The following MGAT5 variants were observed in gnomAD, a reference collection of about 807,000 sequenced individuals.
MGAT5 encodes the protein alpha-1,6-mannosylglycoprotein 6-beta-N-acetylglucosaminyltransferase A.
A neutral mutation model predicts 94.3 loss-of-function variants in MGAT5; 30 were observed. The ratio of observed to expected loss-of-function variants is 0.32; its 90% confidence interval spans 0.24 to 0.43. MGAT5 has a LOEUF of 0.43. Ranked by LOEUF, MGAT5 falls within the 20% of genes least tolerant of loss-of-function variation. MGAT5 has a pLI of 1.00. For synonymous variants in MGAT5, 310 were observed against 322.9 expected, an observed-to-expected ratio of 0.96 and a Z score of 0.43; for missense variants, 691 against 905.5, an observed-to-expected ratio of 0.76 and a Z score of 3.04.
rs1315302565 is a variant in MGAT5, at chr2:134,451,073, G to A, written c.*2226G>A. The stretch of plus-strand genomic sequence containing the variant: ...CAATGCAAGTATCTGACCAACAGGG[G>A]GAGCCTGCAGGCCGAGCAAAGTTTA... On this transcript the variant is annotated 3_prime_UTR_variant, in exon 16 of 16. Coordinates refer to ENST00000281923, the MANE Select transcript of MGAT5 (RefSeq NM_002410.5). 1 of 152,068 alleles carries A rather than the reference G, an allele frequency of 6.6e-6. No homozygotes were observed. Among genetic ancestry groups the A allele is most frequent in the East Asian group, 1.9e-4 (1 of 5,162 alleles). 9.4% of individuals were successfully genotyped at this position (152,068 alleles called of 1,614,324 possible).
At chr2:134,182,780 G>GTTTTTTTTT (rs5834402) in intron 1 of MGAT5, among the ~76,000 whole-genome samples, 3 of 87,062 alleles carry the variant, frequency 3.4e-5, no homozygotes, top group Non-Finnish European at 6.5e-5. Context: ...TAGAAGATTA[G>GTTTTTTTTT]TTTTTTTTTT....
At chr2:134,182,347 G>A (rs1643801028) in intron 1 of MGAT5, among the ~76,000 whole-genome samples, 1 of 152,088 alleles carries the variant, frequency 6.6e-6, no homozygotes, top group Non-Finnish European at 1.5e-5. Context: ...ATGAAAGCAG[G>A]CCCAATAAAA....
Position 134,453,837 on chromosome 2 carries a change from C to T in MGAT5, c.*4990C>T, listed in dbSNP as rs1368813124. 1 of 152,154 alleles carries T rather than the reference C, an allele frequency of 6.6e-6. No homozygotes were observed. The highest frequency in any genetic ancestry group is 1.5e-5 in the Non-Finnish European group (1 of 68,038). 9.4% of individuals were successfully genotyped at this position (152,154 alleles called of 1,614,324 possible). ...CCCAAATCACCTAAATATCGGTTTG[C>T]TTTTTGTTTTGGGGGAGAGGATTTA... On this transcript the variant is annotated 3_prime_UTR_variant, in exon 16 of 16. Transcript: ENST00000281923.
chr2:134,433,189 G>A (rs1454762389), intron 14 of MGAT5, among the ~76,000 whole-genome samples: 1 of 152,106 alleles, frequency 6.6e-6, no homozygotes, highest in African/African-American at 2.4e-5. Context: ...ATGATGTTTT[G>A]GGGGTTCACC....
rs542837053 is a variant in MGAT5 at position 134,397,599 on chromosome 2, G to A, written c.1381-5389G>A. Reference sequence around the variant, plus strand: ...ATTTCTAAGGCCCCTATAATTCTGCGATGCTATTTAGGAAGGAGGACCCCA... The same window carrying A: ...ATTTCTAAGGCCCCTATAATTCTGCAATGCTATTTAGGAAGGAGGACCCCA... On this transcript the variant is annotated intron_variant, in intron 10 of 15. Coordinates refer to ENST00000281923, the MANE Select transcript of MGAT5 (RefSeq NM_002410.5). Among the ~76,000 whole-genome samples, 509 of 152,218 alleles carry A rather than the reference G, an allele frequency of 3.3e-3. 2 individuals are homozygous for A. Among genetic ancestry groups the A allele is most frequent in the African/African-American group, 0.011 (459 of 41,534 alleles).
chr2:134,256,539 A>G (rs1682972464), intron 1 of MGAT5, among the ~76,000 whole-genome samples: 1 of 152,170 alleles, frequency 6.6e-6, no homozygotes, highest in East Asian at 1.9e-4. Context: ...TTTCTTGTGT[A>G]TTGATGAAAA....
intron 1 of MGAT5, among the ~76,000 whole-genome samples, chr2:134,265,031 C>G (rs989066163): frequency 6.6e-6 from 1 of 152,210 alleles, no homozygotes; most frequent in African/African-American, 2.4e-5. Context: ...TTGACGGACT[C>G]TGCAGATCCG....
At chr2:134,141,747 G>A (rs1686665971) in intron 1 of MGAT5, among the ~76,000 whole-genome samples, 1 of 152,198 alleles carries the variant, frequency 6.6e-6, no homozygotes, top group Non-Finnish European at 1.5e-5. Context: ...GACATTGCCA[G>A]CAGGGGCCAT....
chr2:134,130,279 G>C (rs1247925012), intron 1 of MGAT5, among the ~76,000 whole-genome samples: 1 of 36,462 alleles, frequency 2.7e-5, no homozygotes, highest in Admixed American at 3.0e-4. Flanking sequence ...CCCACACCCT[G>C]GCGGTGGGCT....
intron 11 of MGAT5, among the ~76,000 whole-genome samples, chr2:134,407,929 T>G (rs1683433518): frequency 6.6e-6 from 1 of 152,232 alleles, no homozygotes; most frequent in Non-Finnish European, 1.5e-5. Context: ...TCCATGCTAT[T>G]GCGATGCACC....
chr2:134,261,176 G>A (rs1027177036), intron 1 of MGAT5, among the ~76,000 whole-genome samples: 3 of 152,166 alleles, frequency 2.0e-5, no homozygotes, highest in African/African-American at 7.2e-5. Flanking sequence ...TTCAAGTCTG[G>A]ATTGAGGAGG....
rs142025178 is a variant in MGAT5 at position 134,395,739 on chromosome 2, C to T, written c.1381-7249C>T. Reference sequence around the variant, plus strand: ...GTACCACCCATTTAGCCTCAGAAATCTCCCTATGTCTGTCTTTGGACCAGA... The same window carrying T: ...GTACCACCCATTTAGCCTCAGAAATTTCCCTATGTCTGTCTTTGGACCAGA... On this transcript the variant is annotated intron_variant, in intron 10 of 15. Transcript: ENST00000281923. 3.3e-3 allele frequency among the ~76,000 whole-genome samples: 500 copies of T among 152,312 alleles called. 4 individuals are homozygous for T. The highest frequency in any genetic ancestry group is 0.011 in the African/African-American group (458 of 41,558).
intron 15 of MGAT5, 112 bp from the exon 16 acceptor site, chr2:134,448,537 C>G (rs1435016284): frequency 1.0e-6 from 1 of 967,820 alleles, no homozygotes; most frequent in African/African-American, 1.6e-5. Context: ...TAAAGTAGGA[C>G]AAGACAACTG....
At chr2:134,266,257 G>T (rs2105603331) in intron 1 of MGAT5, among the ~76,000 whole-genome samples, 1 of 151,638 alleles carries the variant, frequency 6.6e-6, no homozygotes, top group Middle Eastern at 3.4e-3. Flanking sequence ...CTCTGGCTCT[G>T]TTACCCAGGC....
chr2:134,389,468 T>A (rs1161335343), intron 10 of MGAT5, among the ~76,000 whole-genome samples: 1 of 152,158 alleles, frequency 6.6e-6, no homozygotes, highest in Non-Finnish European at 1.5e-5. Context: ...CACTTTAATT[T>A]TTCTAAGTGG....
intron 1 of MGAT5, among the ~76,000 whole-genome samples, chr2:134,137,160 A>T (rs1686446012): frequency 6.6e-6 from 1 of 152,298 alleles, no homozygotes; most frequent in African/African-American, 2.4e-5. Flanking sequence ...GGTATGCTTT[A>T]AGGTTATATC....
At chr2:134,289,552 G>C (rs927410509) in intron 2 of MGAT5, among the ~76,000 whole-genome samples, 2 of 152,238 alleles carry the variant, frequency 1.3e-5, no homozygotes, top group African/African-American at 4.8e-5. Context: ...GCTGTCTTTA[G>C]AAAGGTCTGC....
intron 2 of MGAT5, among the ~76,000 whole-genome samples, chr2:134,300,176 T>C (rs1685931389): frequency 6.6e-6 from 1 of 152,166 alleles, no homozygotes; most frequent in African/African-American, 2.4e-5. Context: ...TGCTGGAAAA[T>C]AATAAATTCC....
At chr2:134,348,122 A>T (rs1486995018) in intron 8 of MGAT5, among the ~76,000 whole-genome samples, 1 of 152,202 alleles carries the variant, frequency 6.6e-6, no homozygotes, top group East Asian at 1.9e-4. Context: ...ACGGAAAAAT[A>T]TAAGTTAAGA....
Sources: gnomAD v4.1 joint callset for allele counts (sites outside exome capture counted in the v4.1 genomes callset) on GRCh38, gnomAD v4.1.1 for gene constraint, MANE v1.5 for transcripts, NCBI Gene and HGNC (gene_info 2026-07-23, HGNC 2026-07-21) for gene names.